GPCPD1: variants seen among roughly 807,000 people sequenced by gnomAD.
The protein encoded by GPCPD1 is glycerophosphocholine phosphodiesterase GPCPD1.
Under a neutral mutation model 89.2 loss-of-function variants are expected in GPCPD1, and 29 were observed. The ratio of observed to expected loss-of-function variants is 0.33; its 90% CI spans 0.24 to 0.44. The LOEUF is 0.44. Ranked by LOEUF, GPCPD1 falls within the 20% of genes least tolerant of loss-of-function variation. The pLI is 1.00. For missense variants in GPCPD1, 594 were observed against 808.9 expected (o/e 0.73, Z 3.22); for synonymous variants, 258 against 266.3 (o/e 0.97, Z 0.30).
chr20:5,578,737 T>C (rs1978312148), intron 7 of GPCPD1, 126 bp from the exon 8 acceptor site: 1 of 639,574 alleles, frequency 1.6e-6, no homozygotes, highest in South Asian at 1.9e-5. Context: ...ACAAAAATAA[T>C]GTATTATGCA....
chr20:5,581,814 C>CTTTTTTTTTTTTTTT (rs11479995), intron 6 of GPCPD1, among the ~76,000 whole-genome samples: 12 of 75,028 alleles, frequency 1.6e-4, no homozygotes, highest in African/African-American at 6.9e-4. Flanking sequence ...GGGACTTTAA[C>CTTTTTTTTTTTTTTT]TTTTTTTTTT....
intron 16 of GPCPD1, 128 bp from the exon 17 acceptor site, chr20:5,560,204 A>G (rs1333688004): frequency 1.9e-6 from 1 of 526,532 alleles, no homozygotes; most frequent in African/African-American, 2.0e-5. Flanking sequence ...ACTATTTTAT[A>G]GATGATGAAA....
intron 1 of GPCPD1, among the ~76,000 whole-genome samples, chr20:5,607,159 C>T (rs542220827): frequency 3.9e-5 from 6 of 152,160 alleles, no homozygotes; most frequent in African/African-American, 9.6e-5. Flanking sequence ...TGGTGGTGGG[C>T]ACCGGTAATC....
At chr20:5,590,100 T>C (rs1214126076) in intron 4 of GPCPD1, among the ~76,000 whole-genome samples, 2 of 151,910 alleles carry the variant, frequency 1.3e-5, no homozygotes, top group Non-Finnish European at 2.9e-5. Context: ...AATATGTAGA[T>C]TGGAAGTTTG....
rs760453050 is a variant in GPCPD1 at position 5,570,269 on chromosome 20, C to T, written c.1057-30G>A. On this transcript the variant is annotated intron_variant, in intron 11 of 19. Transcript: ENST00000379019. Reference sequence around the variant, plus strand: ...CAGAAGGAAGCAAGTATTTGAAAAACATTGCCTGGTACACAGTACCTCTCA... The same window carrying T: ...CAGAAGGAAGCAAGTATTTGAAAAATATTGCCTGGTACACAGTACCTCTCA... 6 of 1,146,248 alleles carry T rather than the reference C, an allele frequency of 5.2e-6. No homozygotes were observed. In the South Asian group the frequency reaches 7.6e-5, roughly 15 times the overall value. 71.0% of individuals were successfully genotyped at this position (1,146,248 alleles called of 1,614,324 possible).
Position 5,547,808 on chromosome 20 carries a change from C to T in GPCPD1, c.1872G>A (p.Val624=). 1 of 1,609,906 alleles carries T rather than the reference C, an allele frequency of 6.2e-7. No homozygotes were observed. ...CCTGCTTCAGGCGTTCCAATTGCTC[C>T]ACTTGGAATATATTTGGTTGTTCAG... ...WMPEQPNIFQ[V]EQLERLKQEL... is the part of the protein sequence containing the mutation. Residue 624 remains valine, a synonymous_variant, in exon 20 of 20, where the codon GTG becomes GTA. Transcript: ENST00000379019.
At chr20:5,576,052 C>A (rs1033211871) in intron 8 of GPCPD1, 74 bp from the exon 9 acceptor site, 24 of 641,998 alleles carry the variant, frequency 3.7e-5, no homozygotes, top group Middle Eastern at 3.8e-4. Context: ...CACACACACA[C>A]ACACACACAG....
At chr20:5,582,204 A>AAAAAAAAAAAAAAC (rs1978575779) in intron 6 of GPCPD1, among the ~76,000 whole-genome samples, 2 of 142,084 alleles carry the variant, frequency 1.4e-5, no homozygotes, top group Admixed American at 6.9e-5. Context: ...AAAAAAAAAA[A>AAAAAAAAAAAAAAC]AAAAAAAAAA....
intron 11 of GPCPD1, among the ~76,000 whole-genome samples, chr20:5,573,693 T>C (rs1424358925): frequency 6.6e-6 from 1 of 152,116 alleles, no homozygotes; most frequent in Non-Finnish European, 1.5e-5. Context: ...CAGTGAGCCA[T>C]GTTCGCACCA....
chr20:5,591,866 T>C (rs1979351260), intron 4 of GPCPD1, among the ~76,000 whole-genome samples: 1 of 152,202 alleles, frequency 6.6e-6, no homozygotes, highest in African/African-American at 2.4e-5. Context: ...ACACGGTACA[T>C]GTGTACACGA....
At chr20:5,547,955 G>A in intron 19 of GPCPD1, 105 bp from the exon 20 acceptor site, 1 of 575,372 alleles carries the variant, frequency 1.7e-6, no homozygotes. Flanking sequence ...CAGAATGCCT[G>A]GAACATCCAC....
chr20:5,594,538 C>T (rs949584945), intron 3 of GPCPD1, among the ~76,000 whole-genome samples: 2 of 152,082 alleles, frequency 1.3e-5, no homozygotes, highest in East Asian at 1.9e-4. Context: ...ATGATCCAAC[C>T]GCCTCGGCCT....
chr20:5,565,530 CTA>C (rs1257570999), intron 14 of GPCPD1, among the ~76,000 whole-genome samples: 2 of 152,020 alleles, frequency 1.3e-5, no homozygotes, highest in African/African-American at 4.8e-5. Flanking sequence ...TGTCCAGCCC[CTA>C]TATATAGTAT....
At chr20:5,591,318 A>G (rs6053523) in intron 4 of GPCPD1, among the ~76,000 whole-genome samples, 102,914 of 152,172 alleles carry the variant, frequency 0.68, 35,223 homozygotes, top group African/African-American at 0.74. Flanking sequence ...CAGTGCATGG[A>G]AGAAAAATGA....
intron 19 of GPCPD1, among the ~76,000 whole-genome samples, chr20:5,552,697 C>T (rs1338213433): frequency 6.6e-6 from 1 of 152,212 alleles, no homozygotes; most frequent in African/African-American, 2.4e-5. Context: ...CGCTATGCGT[C>T]ACTCATGCTA....
At chr20:5,563,131 C>T (rs112539845) in intron 15 of GPCPD1, among the ~76,000 whole-genome samples, 11 of 152,122 alleles carry the variant, frequency 7.2e-5, no homozygotes, top group Middle Eastern at 3.4e-3. Context: ...TACAGGCACC[C>T]GCCACCACAC....
At chr20:5,610,665 C>G (rs1231628792) in intron 1 of GPCPD1, among the ~76,000 whole-genome samples, 177 bp downstream of exon 1, 1 of 151,786 alleles carries the variant, frequency 6.6e-6, no homozygotes, top group Non-Finnish European at 1.5e-5. Flanking sequence ...ACCGATTTAG[C>G]GCAGCGAACG....
intron 11 of GPCPD1, among the ~76,000 whole-genome samples, chr20:5,571,563 T>C (rs1986719921): frequency 6.6e-6 from 1 of 152,210 alleles, no homozygotes; most frequent in Non-Finnish European, 1.5e-5. Flanking sequence ...AGGATTTCAT[T>C]AGAATATGGA....
intron 19 of GPCPD1, among the ~76,000 whole-genome samples, chr20:5,554,173 A>T (rs1985609638): frequency 7.4e-6 from 1 of 135,524 alleles, no homozygotes; most frequent in Admixed American, 7.2e-5. Flanking sequence ...TTTAGTAGAG[A>T]CGGGTTTTCA....
Sources: gnomAD v4.1 joint callset for allele counts (sites outside exome capture counted in the v4.1 genomes callset) on GRCh38, gnomAD v4.1.1 for gene constraint, MANE v1.5 for transcripts, NCBI Gene and HGNC (gene_info 2026-07-23, HGNC 2026-07-21) for gene names.